The following TRAPPC9 variants were observed in gnomAD, a reference collection of about 807,000 sequenced individuals.
The protein encoded by TRAPPC9 is trafficking protein particle complex subunit 9, also known as IKK2 binding protein.
TRAPPC9 carries 83 observed loss-of-function variants against 124.0 expected under a neutral mutation model. That is an observed-to-expected ratio of 0.67 (90% confidence interval 0.56 to 0.80). The LOEUF is 0.80. TRAPPC9 is among the 30% of genes least tolerant of loss of function. The pLI, the probability that TRAPPC9 is intolerant of heterozygous loss-of-function variation, is 0.00. For missense variants in TRAPPC9, 1,302 were observed against 1,508.3 expected (o/e 0.86, Z 2.27); for synonymous variants, 638 against 617.5 (o/e 1.03, Z -0.49).
intron 17 of TRAPPC9, among the ~76,000 whole-genome samples, chr8:140,028,157 T>C (rs1474719310): frequency 6.6e-6 from 1 of 151,990 alleles, no homozygotes; most frequent in Non-Finnish European, 1.5e-5. Context: ...ATTATATATA[T>C]GGTCTTATTA....
At chr8:139,905,372 G>C (rs1217461252) in intron 20 of TRAPPC9, among the ~76,000 whole-genome samples, 1 of 152,242 alleles carries the variant, frequency 6.6e-6, no homozygotes, top group African/African-American at 2.4e-5. Flanking sequence ...CTTTGATCCT[G>C]GGATAGAATA....
At chr8:140,171,668 G>A (rs577745521) in intron 17 of TRAPPC9, among the ~76,000 whole-genome samples, 64 of 152,276 alleles carry the variant, frequency 4.2e-4, no homozygotes, top group African/African-American at 1.4e-3. Flanking sequence ...CCCAGCACCT[G>A]CACTGCCTGG....
chr8:140,149,131 T>A (rs960132482), intron 17 of TRAPPC9, among the ~76,000 whole-genome samples: 1 of 152,070 alleles, frequency 6.6e-6, no homozygotes, highest in Admixed American at 6.6e-5. Flanking sequence ...AGGACAAGCA[T>A]CCGCGTGCCC....
intron 1 of TRAPPC9, among the ~76,000 whole-genome samples, chr8:140,455,701 TTACAGGCGTGA>T (rs2071634882): frequency 2.0e-5 from 3 of 151,102 alleles, no homozygotes; most frequent in Admixed American, 6.6e-5. Flanking sequence ...AGTGCTGGGA[TTACAGGCGTGA>T]GCCACCATGC....
intron 5 of TRAPPC9, among the ~76,000 whole-genome samples, chr8:140,410,141 CAAAAAAAAAAAAAAAAA>C (rs61149910): frequency 7.1e-5 from 5 of 70,220 alleles, no homozygotes; most frequent in East Asian, 8.8e-4. Context: ...ACCTTGTCTC[CAAAAAAAAAAAAAAAAA>C]AAAAAAAAAA....
At chr8:139,824,038 G>C (rs1183715465) in intron 21 of TRAPPC9, among the ~76,000 whole-genome samples, 1 of 152,172 alleles carries the variant, frequency 6.6e-6, no homozygotes, top group African/African-American at 2.4e-5. Context: ...AGTTTACATG[G>C]GGCTCTCACG....
At position 140,283,986 on chromosome 8, in the gene TRAPPC9, A is replaced by C; in HGVS notation, c.2017T>G (p.Cys673Gly). Residue 673 changes from cysteine (C) to glycine (G), a missense_variant, in exon 14 of 23, where the codon TGT becomes GGT. Cys to Gly is a radical substitution (Grantham distance 159, BLOSUM62 -3). This residue lies in a region of TRAPPC9 where 640 missense variants were observed against 679.3 expected (regional missense o/e 0.94). Transcript: ENST00000438773. ...ATTCCCGGCAGGTTATCCAGCAAAC[A>C]GTCACTGAACACACCGAAGACCGTG... is the stretch of plus-strand genomic sequence containing the variant. ...HTTVFGVFSD[C>G]LLDNLPGIKT... The C allele has an allele frequency of 6.2e-7, 1 of 1,614,152 alleles. No individual in the cohort carries two copies.
chr8:140,325,219 T>C (rs912605418), intron 9 of TRAPPC9, among the ~76,000 whole-genome samples: 4 of 152,232 alleles, frequency 2.6e-5, no homozygotes, highest in African/African-American at 7.2e-5. Flanking sequence ...GGGAAATTTA[T>C]AGCCTTAAAT....
At chr8:140,390,136 T>C (rs978221377) in intron 7 of TRAPPC9, among the ~76,000 whole-genome samples, 4 of 152,168 alleles carry the variant, frequency 2.6e-5, no homozygotes, top group Non-Finnish European at 5.9e-5. Context: ...AAACCCCATC[T>C]GTACTAAAAA....
At chr8:139,803,770 T>G (rs1411065178) in intron 21 of TRAPPC9, among the ~76,000 whole-genome samples, 1 of 152,216 alleles carries the variant, frequency 6.6e-6, no homozygotes, top group Non-Finnish European at 1.5e-5. Context: ...GATAGATGCA[T>G]CACGCTGTCT....
chr8:139,938,095 C>A (rs2243771), intron 19 of TRAPPC9, among the ~76,000 whole-genome samples: 135,913 of 152,250 alleles, frequency 0.89, 60,787 homozygotes, highest in Middle Eastern at 0.99. Flanking sequence ...TAATGATATG[C>A]AATTGACAAT....
At chr8:140,000,454 A>G (rs910187418) in intron 18 of TRAPPC9, among the ~76,000 whole-genome samples, 2 of 152,236 alleles carry the variant, frequency 1.3e-5, no homozygotes, top group Admixed American at 6.5e-5. Flanking sequence ...CAACCTACAG[A>G]ATGGGAGAAA....
At chr8:139,976,867 G>C (rs1836511854) in intron 19 of TRAPPC9, among the ~76,000 whole-genome samples, 1 of 152,218 alleles carries the variant, frequency 6.6e-6, no homozygotes, top group Admixed American at 6.5e-5. Context: ...TCCTCTGAGA[G>C]GAGCAGTGTG....
intron 21 of TRAPPC9, among the ~76,000 whole-genome samples, chr8:139,826,617 C>T (rs1181790690): frequency 6.6e-6 from 1 of 152,118 alleles, no homozygotes. Context: ...GGGCAGGGCT[C>T]GGCGATGGAC....
chr8:140,232,608 C>T (rs1300155365), intron 16 of TRAPPC9, among the ~76,000 whole-genome samples: 2 of 152,188 alleles, frequency 1.3e-5, no homozygotes, highest in Non-Finnish European at 2.9e-5. Context: ...TGAGGAAAGA[C>T]ATTCAACGTC....
chr8:139,868,521 C>A (rs1188121665), intron 21 of TRAPPC9, among the ~76,000 whole-genome samples: 1 of 152,124 alleles, frequency 6.6e-6, no homozygotes, highest in African/African-American at 2.4e-5. Context: ...GCTTGAAATC[C>A]AGATGGAGGC....
chr8:139,846,895 C>T (rs979538901), intron 21 of TRAPPC9, among the ~76,000 whole-genome samples: 5 of 152,218 alleles, frequency 3.3e-5, no homozygotes, highest in Non-Finnish European at 7.3e-5. Flanking sequence ...GCAAATCAAT[C>T]CATTTTTTTG....
At chr8:139,833,441 G>A (rs1826116440) in intron 21 of TRAPPC9, among the ~76,000 whole-genome samples, 2 of 152,340 alleles carry the variant, frequency 1.3e-5, no homozygotes, top group African/African-American at 4.8e-5. Flanking sequence ...ACCCTCTCTG[G>A]CTGATGACCC....
chr8:139,947,916 A>AGAGCGAGC (rs1834357626), intron 19 of TRAPPC9, among the ~76,000 whole-genome samples: 1 of 39,914 alleles, frequency 2.5e-5, no homozygotes, highest in Non-Finnish European at 5.1e-5. Context: ...ATAGAGAGAG[A>AGAGCGAGC]GAGAGAGCGA....
Sources: gnomAD v4.1 joint callset for allele counts (sites outside exome capture counted in the v4.1 genomes callset) on GRCh38, gnomAD v4.1.1 for gene constraint, gnomAD v4.1.1 regional missense constraint, MANE v1.5 for transcripts, NCBI Gene and HGNC (gene_info 2026-07-23, HGNC 2026-07-21) for gene names.